Variants in CDKL3 observed in about 807,000 individuals in gnomAD.
CDKL3 encodes cyclin-dependent kinase-like 3.
Under a neutral mutation model 69.3 loss-of-function variants are expected in CDKL3, and 65 were observed. That is an observed-to-expected ratio of 0.94 (90% CI 0.77 to 1.15). CDKL3 has a LOEUF of 1.15. Among genes scored for constraint, CDKL3 ranks in the 50% most tolerant of loss-of-function variants. The pLI, the probability that CDKL3 is intolerant of heterozygous loss-of-function variation, is 0.00. For missense variants in CDKL3, 652 were observed against 689.2 expected, an observed-to-expected ratio of 0.95 and a Z score of 0.61; for synonymous variants, 202 against 221.6, an observed-to-expected ratio of 0.91 and a Z score of 0.79.
At chr5:134,344,078 G>A (rs1284551312) in intron 4 of CDKL3, among the ~76,000 whole-genome samples, 1 of 152,078 alleles carries the variant, frequency 6.6e-6, no homozygotes, top group Non-Finnish European at 1.5e-5. Context: ...AATGGTGCTG[G>A]GACAACAACT....
At chr5:134,363,794 A>G (rs913186341) in intron 2 of CDKL3, among the ~76,000 whole-genome samples, 2 of 151,848 alleles carry the variant, frequency 1.3e-5, no homozygotes, top group South Asian at 2.1e-4. Context: ...GATGCCTAAT[A>G]TATTTCCTCA....
intron 4 of CDKL3, among the ~76,000 whole-genome samples, chr5:134,349,200 A>G (rs2149594424): frequency 6.6e-6 from 1 of 152,300 alleles, no homozygotes; most frequent in African/African-American, 2.4e-5. Flanking sequence ...GAAAGTAAGT[A>G]CCCATTAATA....
intron 4 of CDKL3, among the ~76,000 whole-genome samples, chr5:134,340,849 A>G (rs1316739328): frequency 6.6e-6 from 1 of 152,162 alleles, no homozygotes; most frequent in Non-Finnish European, 1.5e-5. Context: ...ATCCCATCTC[A>G]TTTTTTAAAA....
At chr5:134,328,132 T>C (rs545874980) in intron 4 of CDKL3, among the ~76,000 whole-genome samples, 1 of 152,176 alleles carries the variant, frequency 6.6e-6, no homozygotes, top group African/African-American at 2.4e-5. Context: ...CTGTGAGAGA[T>C]GACCCATACA....
At chr5:134,336,510 G>A (rs1204979164) in intron 4 of CDKL3, among the ~76,000 whole-genome samples, 3 of 152,186 alleles carry the variant, frequency 2.0e-5, no homozygotes, top group Admixed American at 6.5e-5. Context: ...TGGGGTTTTG[G>A]TGTGGATGTC....
chr5:134,310,364 G>C (rs1044198026), intron 7 of CDKL3, among the ~76,000 whole-genome samples: 1 of 151,680 alleles, frequency 6.6e-6, no homozygotes, highest in African/African-American at 2.4e-5. Flanking sequence ...TTTGTTTTTT[G>C]TATTTTTAGT....
At chr5:134,331,454 C>T (rs527701470) in intron 4 of CDKL3, among the ~76,000 whole-genome samples, 6 of 152,094 alleles carry the variant, frequency 3.9e-5, no homozygotes, top group South Asian at 4.2e-4. Flanking sequence ...ATCCCTCCCC[C>T]GGGCCCCCAC....
intron 4 of CDKL3, among the ~76,000 whole-genome samples, chr5:134,336,929 C>T (rs1340351608): frequency 6.6e-6 from 1 of 152,222 alleles, no homozygotes; most frequent in African/African-American, 2.4e-5. Flanking sequence ...TATGCCCTGC[C>T]TCTGGAGGTG....
At chr5:134,339,355 C>T (rs554433473) in intron 4 of CDKL3, among the ~76,000 whole-genome samples, 16 of 152,014 alleles carry the variant, frequency 1.1e-4, no homozygotes, top group South Asian at 2.1e-4. Context: ...AAAGATATAT[C>T]ATGCAATCAA....
At chr5:134,309,834 T>C (rs1768916162) in intron 7 of CDKL3, among the ~76,000 whole-genome samples, 2 of 152,160 alleles carry the variant, frequency 1.3e-5, no homozygotes, top group African/African-American at 4.8e-5. Context: ...ATTCAATAAC[T>C]GGCATCTTTT....
rs141503198 is a variant in CDKL3, at chr5:134,349,834, C to T, written c.539+415G>A. On this transcript the variant is annotated intron_variant, in intron 4 of 12. Coordinates refer to ENST00000265334, the MANE Select transcript of CDKL3 (RefSeq NM_001113575.2). ...TTCTTAGCCCCAACCTAGATGCAGA[C>T]GGCAGAATGTGTCAGTATTAGGGGT... 3.9e-3 allele frequency among the ~76,000 whole-genome samples: 588 copies of T among 152,108 alleles called. 3 individuals carry two copies. Among genetic ancestry groups the T allele is most frequent in the Non-Finnish European group, 3.7e-3 (254 of 67,952 alleles).
At chr5:134,362,427 G>C (rs1756276309) in intron 2 of CDKL3, among the ~76,000 whole-genome samples, 1 of 152,162 alleles carries the variant, frequency 6.6e-6, no homozygotes, top group South Asian at 2.1e-4. Context: ...GCTGAGGCAG[G>C]AGAATCGCTT....
At position 134,343,835 on chromosome 5, in the gene CDKL3, C is replaced by T. The variant is rs112734705; in HGVS notation, c.539+6414G>A. On this transcript the variant is annotated intron_variant, in intron 4 of 12. Transcript: ENST00000265334. ...CAAGTTGTCCTTAAAAACTCTGCTC[C>T]CTGAATGCCCAAGGAGACTGATTTG... Among the ~76,000 whole-genome samples, 1,478 of 152,272 alleles carry T rather than the reference C, an allele frequency of 9.7e-3. 13 individuals are homozygous for T. The highest frequency in any genetic ancestry group is 0.032 in the African/African-American group (1,314 of 41,542).
At chr5:134,326,420 A>G (rs896474248) in intron 4 of CDKL3, among the ~76,000 whole-genome samples, 7 of 152,116 alleles carry the variant, frequency 4.6e-5, no homozygotes, top group Admixed American at 2.6e-4. Flanking sequence ...TTTGCAGAAA[A>G]AGAGCTGTCC....
chr5:134,308,643 A>T lies in CDKL3; in HGVS notation c.966T>A (p.Asn322Lys). 6.2e-7 allele frequency: 1 copy of T among 1,609,134 alleles called. No individual in the cohort carries two copies. The highest frequency in any genetic ancestry group is 1.1e-5 in the South Asian group (1 of 89,890). ...TTTTTCTTTCATCTTTCCTGAGTTC[A>T]TTTTCTTTAGAACTCTCTTTTGGCT... The part of the protein sequence containing the change: ...LIKPKESSKE[N>K]ELRKDERKTV... The change falls in exon 8 of 13, where the codon AAT becomes AAA. Residue 322 changes from asparagine to lysine, a missense_variant. Transcript: ENST00000265334.
At chr5:134,312,269 CCA>C in intron 7 of CDKL3, 21 bp downstream of exon 7, 2 of 1,409,294 alleles carry the variant, frequency 1.4e-6, no homozygotes, top group Non-Finnish European at 2.0e-6. Context: ...TTTAAAAAAC[CCA>C]CATTCACTCA....
At chr5:134,318,135 C>T (rs930676269) in intron 6 of CDKL3, among the ~76,000 whole-genome samples, 1 of 151,704 alleles carries the variant, frequency 6.6e-6, no homozygotes, top group Middle Eastern at 3.2e-3. Flanking sequence ...AGGAAAATTG[C>T]TTCAACCCAG....
At chr5:134,352,949 TG>T (rs1561629378) in intron 3 of CDKL3, among the ~76,000 whole-genome samples, 8 of 152,198 alleles carry the variant, frequency 5.3e-5, no homozygotes. Context: ...TATCTATGTT[TG>T]CTTCTGTTGC....
intron 4 of CDKL3, among the ~76,000 whole-genome samples, chr5:134,337,429 C>A (rs1777395790): frequency 6.6e-6 from 1 of 152,236 alleles, no homozygotes; most frequent in South Asian, 2.1e-4. Context: ...TACCCATCTT[C>A]TGCATTAGTC....
Sources: allele counts gnomAD v4.1 joint callset (sites outside exome capture counted in the v4.1 genomes callset), GRCh38; gene constraint gnomAD v4.1.1; transcripts MANE v1.5; gene names NCBI Gene and HGNC (gene_info 2026-07-23, HGNC 2026-07-21).